KCNH1: variants seen among roughly 807,000 people sequenced by gnomAD.
KCNH1 encodes potassium voltage-gated channel subfamily H member 1.
A neutral mutation model predicts 69.2 loss-of-function variants in KCNH1; 27 were observed. That is an observed-to-expected ratio of 0.39 (90% CI 0.29 to 0.54). The LOEUF (loss-of-function observed/expected upper bound fraction) is 0.54. Among genes scored for constraint, KCNH1 ranks in the 20% least tolerant of loss-of-function variants. The pLI is 0.68. For synonymous variants in KCNH1, 456 were observed against 487.7 expected (o/e 0.93, Z 0.86); for missense variants, 798 against 1,261.6 (o/e 0.63, Z 5.57).
At chr1:211,020,535 G>A (rs1320847376) in intron 5 of KCNH1, among the ~76,000 whole-genome samples, 1 of 151,768 alleles carries the variant, frequency 6.6e-6, no homozygotes, top group African/African-American at 2.4e-5. Flanking sequence ...GGACCAGATG[G>A]CTTCAAAGCT....
intron 7 of KCNH1, among the ~76,000 whole-genome samples, chr1:210,908,372 G>C (rs556766157): frequency 6.6e-6 from 1 of 152,276 alleles, no homozygotes; most frequent in Middle Eastern, 3.4e-3. Context: ...TTAAGGTGCT[G>C]GATTCCATCC....
At chr1:210,723,212 A>G (rs1418747709) in intron 10 of KCNH1, among the ~76,000 whole-genome samples, 2 of 152,196 alleles carry the variant, frequency 1.3e-5, no homozygotes, top group Non-Finnish European at 2.9e-5. Flanking sequence ...AAGAAAAAAA[A>G]TGATACCTTA....
At chr1:210,871,312 C>A (rs187858649) in intron 7 of KCNH1, among the ~76,000 whole-genome samples, 2 of 152,318 alleles carry the variant, frequency 1.3e-5, no homozygotes, top group East Asian at 3.9e-4. Flanking sequence ...TGCTCACCAT[C>A]ACTGGCCAAC....
Position 210,797,784 on chromosome 1 carries a change from G to C in KCNH1, c.1663-24C>G, listed in dbSNP as rs1684348382. ...ACCTAGCCAGGTACAGAAAAAAACA[G>C]TGTGAGGGTCCTCACTGTGGCCTTC... is the stretch of plus-strand genomic sequence containing the variant. On this transcript the variant is annotated intron_variant, in intron 8 of 10. Coordinates refer to ENST00000271751, the MANE Select transcript of KCNH1 (RefSeq NM_172362.3). The C allele has an allele frequency of 2.5e-6, 4 of 1,599,782 alleles. No individual in the cohort carries two copies. In the African/African-American group the frequency reaches 4.0e-5, roughly 16 times the overall value.
chr1:210,694,974 C>T (rs1267469587), intron 10 of KCNH1, among the ~76,000 whole-genome samples: 1 of 152,222 alleles, frequency 6.6e-6, no homozygotes. Flanking sequence ...TACAGAAGGA[C>T]CAACTGAGAA....
chr1:210,860,324 CAT>C, intron 7 of KCNH1: 1 of 1,380,004 alleles, frequency 7.2e-7, no homozygotes, highest in Non-Finnish European at 1.0e-6. Flanking sequence ...GAGATGTCCT[CAT>C]AGAATTCTGA....
intron 5 of KCNH1, among the ~76,000 whole-genome samples, chr1:211,079,113 AT>A (rs1303409822): frequency 6.6e-6 from 1 of 152,148 alleles, no homozygotes; most frequent in African/African-American, 2.4e-5. Context: ...AATAGACACA[AT>A]AAAAAAATGA....
intron 7 of KCNH1, among the ~76,000 whole-genome samples, chr1:210,840,268 G>A (rs1396937720): frequency 1.3e-5 from 2 of 151,330 alleles, no homozygotes; most frequent in East Asian, 1.9e-4. Flanking sequence ...TAACATGCTA[G>A]ATCTAAAACA....
chr1:210,994,791 T>C lies in KCNH1; in HGVS notation c.1032+23992A>G, dbSNP rs577003818. Among the ~76,000 whole-genome samples the C allele has an allele frequency of 3.9e-5, 6 of 152,304 alleles. No individual in the cohort carries two copies. The South Asian group carries it at 1.2e-3, about 32-fold the overall frequency. ...ATGTGCAGCACACCAGTTGAAAGTA[T>C]ATGCTAGAATCAAACAAGCCTGTAT... On this transcript the variant is annotated intron_variant, in intron 6 of 10. Coordinates refer to ENST00000271751, the MANE Select transcript of KCNH1 (RefSeq NM_172362.3).
chr1:210,885,317 C>T (rs1337999277), intron 7 of KCNH1, among the ~76,000 whole-genome samples: 2 of 152,172 alleles, frequency 1.3e-5, no homozygotes, highest in Non-Finnish European at 2.9e-5. Context: ...ATAGGGAACT[C>T]CCTCCTGTAG....
intron 7 of KCNH1, among the ~76,000 whole-genome samples, chr1:210,845,450 G>C (rs1395535692): frequency 0.012 from 1,402 of 114,366 alleles, no homozygotes; most frequent in South Asian, 0.019. Context: ...ATGTAATCCA[G>C]CATATAAACA....
In KCNH1 at chr1:210,680,223, T is replaced by TG. The variant is rs1681230022; in HGVS notation, c.*3057dup. ...GGAGCACGTTCAACCAGCAGCCAAG[T>TG]GACAGGGACAGGACCTACCCTCTTC... is the stretch of plus-strand genomic sequence containing the variant. On this transcript the variant is annotated 3_prime_UTR_variant, in exon 11 of 11. Transcript: ENST00000271751. The TG allele has an allele frequency of 6.6e-6, 1 of 152,262 alleles. No homozygotes were observed. Among genetic ancestry groups the TG allele is most frequent in the South Asian group, 2.1e-4 (1 of 4,820 alleles). 9.4% of individuals were successfully genotyped at this position (152,262 alleles called of 1,614,324 possible).
chr1:210,883,421 T>C (rs1489881876), intron 7 of KCNH1, among the ~76,000 whole-genome samples: 1 of 152,224 alleles, frequency 6.6e-6, no homozygotes, highest in African/African-American at 2.4e-5. Context: ...TTCTTGGCAC[T>C]AGAACAATAA....
chr1:210,727,270 A>C (rs1432373096), intron 10 of KCNH1, among the ~76,000 whole-genome samples: 1 of 152,198 alleles, frequency 6.6e-6, no homozygotes, highest in African/African-American at 2.4e-5. Flanking sequence ...TATTCCCACT[A>C]AGTCTCCTTC....
intron 9 of KCNH1, among the ~76,000 whole-genome samples, chr1:210,782,159 T>C (rs935027557): frequency 5.3e-5 from 8 of 152,208 alleles, no homozygotes; most frequent in African/African-American, 1.9e-4. Flanking sequence ...AACTGCTGCA[T>C]ACCCAGCACT....
chr1:210,808,124 C>T lies in KCNH1; in HGVS notation c.1463-3958G>A, dbSNP rs572265205. 3.3e-5 allele frequency among the ~76,000 whole-genome samples: 5 copies of T among 152,306 alleles called. No individual in the cohort carries two copies. In the South Asian group the frequency reaches 1.0e-3, roughly 32 times the overall value. Reference sequence around the variant, plus strand: ...ACTAACCATCCTCCCAGGAGATGGGCTAGTTGTCTTTTTCCAGTGAGTCTG... The same window carrying T: ...ACTAACCATCCTCCCAGGAGATGGGTTAGTTGTCTTTTTCCAGTGAGTCTG... On this transcript the variant is annotated intron_variant, in intron 7 of 10. Transcript: ENST00000271751.
chr1:210,878,077 A>G (rs57432280), intron 7 of KCNH1, among the ~76,000 whole-genome samples: 2,295 of 152,290 alleles, frequency 0.015, 45 homozygotes, highest in African/African-American at 0.052. Context: ...TGTTTTTTAA[A>G]AGGTGCCAAG....
chr1:210,848,361 T>A lies in KCNH1; in HGVS notation c.1463-44195A>T, dbSNP rs139119232. On this transcript the variant is annotated intron_variant, in intron 7 of 10. Coordinates refer to ENST00000271751, the MANE Select transcript of KCNH1 (RefSeq NM_172362.3). ...CTGGTTGGTCACATGGCTACTTTCC[T>A]TGACCCTTGTCTTTATAAATTCTAT... Among the ~76,000 whole-genome samples, 580 of 152,328 alleles carry A rather than the reference T, an allele frequency of 3.8e-3. 6 individuals are homozygous for A. Among genetic ancestry groups the A allele is most frequent in the Middle Eastern group, 0.02 (6 of 294 alleles).
At chr1:210,788,101 G>A (rs116228545) in intron 9 of KCNH1, among the ~76,000 whole-genome samples, 4 of 152,308 alleles carry the variant, frequency 2.6e-5, no homozygotes, top group African/African-American at 7.2e-5. Context: ...AATTTTCCAA[G>A]ATTGCTATGG....
Sources: gnomAD v4.1 joint callset for allele counts (sites outside exome capture counted in the v4.1 genomes callset) on GRCh38, gnomAD v4.1.1 for gene constraint, MANE v1.5 for transcripts, NCBI Gene and HGNC (gene_info 2026-07-23, HGNC 2026-07-21) for gene names.